NUMBL: variants seen among roughly 807,000 people sequenced by gnomAD.
NUMBL encodes numb-like protein.
In NUMBL, 20 loss-of-function variants were observed where a neutral mutation model predicts 48.9. The observed-to-expected ratio is 0.41, with a 90% CI of 0.29 to 0.59. The LOEUF (loss-of-function observed/expected upper bound fraction) is 0.59, where lower values mean the gene tolerates loss of function less well. Among genes scored for constraint, NUMBL ranks in the 20% least tolerant of loss-of-function variants. The pLI, the probability that NUMBL is intolerant of heterozygous loss-of-function variation, is 0.31. For synonymous variants in NUMBL, 340 were observed against 348.7 expected (o/e 0.98, Z 0.28); for missense variants, 660 against 846.2 (o/e 0.78, Z 2.73).
chr19:40,673,339 C>A lies in NUMBL; in HGVS notation c.1036+5G>T. ...ACGCCGTTTCCCACTGGGCCCAGGG[C>A]TCACCTGTGCCCTTCACCTGGAAGT... On this transcript the variant is annotated splice_donor_5th_base_variant and intron_variant, in intron 8 of 9. Coordinates refer to ENST00000252891, the MANE Select transcript of NUMBL (RefSeq NM_004756.5). This position sits in a 1 kb window ranked among gnomAD's most constrained non-coding sequence, Gnocchi z 5.9. 1 of 1,606,410 alleles carries A rather than the reference C, an allele frequency of 6.2e-7. No homozygotes were observed. Among genetic ancestry groups the A allele is most frequent in the Non-Finnish European group, 8.5e-7 (1 of 1,174,728 alleles).
At position 40,682,630 on chromosome 19, in the gene NUMBL, G is replaced by A. The variant is rs1340070464; in HGVS notation, c.399+98C>T. 3 of 1,079,542 alleles carry A rather than the reference G, an allele frequency of 2.8e-6. No homozygotes were observed. Among genetic ancestry groups the A allele is most frequent in the Non-Finnish European group, 4.1e-6 (3 of 726,384 alleles). The allele number at this position is 1,079,542 out of a possible 1,614,324, so 66.9% of individuals were successfully genotyped here. A position where few individuals can be genotyped will look rare whatever the true frequency, so the allele number is the denominator to read the frequency against. ...CGGCATCGTCTAGAAGGTCCCTGAG[G>A]GAGGGATGTGCAGAGGAGGCGGGAA... On this transcript the variant is annotated intron_variant, in intron 5 of 9. Coordinates refer to ENST00000252891, the MANE Select transcript of NUMBL (RefSeq NM_004756.5). The surrounding 1 kb of genome is among the most constrained non-coding windows in gnomAD (Gnocchi z 4.0).
At chr19:40,668,348 G>C (rs566038379) in intron 9 of NUMBL, among the ~76,000 whole-genome samples, 1 of 152,288 alleles carries the variant, frequency 6.6e-6, no homozygotes, top group South Asian at 2.1e-4. Flanking sequence ...GGAGTGCTAA[G>C]AACATACAAT....
chr19:40,668,046 C>T lies in NUMBL; in HGVS notation c.1252G>A (p.Glu418Lys). ...GCCTTGGCCACCTGTGACACCTCCT[C>T]CAGCCATCGCTCAGCCTCTGAAGGT... is the stretch of plus-strand genomic sequence containing the variant. ...RTPSEAERWLEEVSQVAKAQQ... is the reference protein window; with the variant it reads ...RTPSEAERWLKEVSQVAKAQQ... The change falls in exon 10 of 10, where the codon GAG becomes AAG. Residue 418 changes from glutamate to lysine, a missense_variant. Glu to Lys is a moderately conservative substitution (Grantham distance 56). This residue lies in a region of NUMBL where 296 missense variants were observed against 339.7 expected (regional missense o/e 0.87). Transcript: ENST00000252891. 6.3e-7 allele frequency: 1 copy of T among 1,584,724 alleles called. No individual in the cohort carries two copies. Among genetic ancestry groups the T allele is most frequent in the Non-Finnish European group, 8.6e-7 (1 of 1,166,030 alleles).
chr19:40,686,566 A>G (rs1006439086), intron 2 of NUMBL, among the ~76,000 whole-genome samples: 2 of 150,488 alleles, frequency 1.3e-5, no homozygotes, highest in Admixed American at 6.6e-5. Context: ...GTGTGTGTAT[A>G]TATGTGTGTA....
intron 2 of NUMBL, 36 bp from the exon 3 acceptor site, chr19:40,684,592 G>A (rs1171761924): frequency 1.3e-6 from 2 of 1,571,858 alleles, no homozygotes; most frequent in Admixed American, 3.5e-5. Context: ...GTCAAGGGTG[G>A]GGGTCAGAAG....
chr19:40,690,245 A>G (rs562965518), intron 1 of NUMBL: 4 of 367,886 alleles, frequency 1.1e-5, no homozygotes, highest in South Asian at 2.9e-4. Context: ...CCCTATTTCC[A>G]GGGCCTTGGC....
intron 1 of NUMBL, among the ~76,000 whole-genome samples, chr19:40,689,354 C>G (rs1457761282): frequency 1.3e-5 from 2 of 152,136 alleles, no homozygotes; most frequent in Non-Finnish European, 2.9e-5. Flanking sequence ...AGCTGTCACA[C>G]ACACATACAC....
chr19:40,672,025 C>T (rs911292238), intron 8 of NUMBL, among the ~76,000 whole-genome samples: 2 of 152,158 alleles, frequency 1.3e-5, no homozygotes, highest in African/African-American at 4.8e-5. Flanking sequence ...CATGCGCCAC[C>T]ACACCAGGCT....
chr19:40,670,027 A>T lies in NUMBL; in HGVS notation c.1037-7T>A, dbSNP rs541913862. The T allele has an allele frequency of 3.1e-6, 5 of 1,613,446 alleles. No individual in the cohort carries two copies. In the East Asian group the frequency reaches 1.1e-4, roughly 36 times the overall value. ...GGAGGCTCCATCTCAGGCACTGGGAAGCAGGGCAGGACAGAGGTCAGCAAA... is the reference window on the plus strand; with the variant it reads ...GGAGGCTCCATCTCAGGCACTGGGATGCAGGGCAGGACAGAGGTCAGCAAA... On this transcript the variant is annotated splice_polypyrimidine_tract_variant and splice_region_variant and intron_variant, in intron 8 of 9. Coordinates refer to ENST00000252891, the MANE Select transcript of NUMBL (RefSeq NM_004756.5).
Position 40,666,006 on chromosome 19 carries a change from G to A in NUMBL, c.*1462C>T, listed in dbSNP as rs1237636154. The A allele has an allele frequency of 5.9e-5, 9 of 152,266 alleles. 1 individual carries two copies. In the South Asian group the frequency reaches 8.3e-4, roughly 14 times the overall value. The allele number at this position is 152,266 out of a possible 1,614,324, so 9.4% of individuals were successfully genotyped here. A position where few individuals can be genotyped will look rare whatever the true frequency, so the allele number is the denominator to read the frequency against. On this transcript the variant is annotated 3_prime_UTR_variant, in exon 10 of 10. Transcript: ENST00000252891. ...AGAAACAATAGCAAGACTGTAAAAC[G>A]TTGCCACATCAGGTGACACTTTGGC...
chr19:40,673,262 A>G lies in NUMBL; in HGVS notation c.1036+82T>C. On this transcript the variant is annotated intron_variant, in intron 8 of 9. Coordinates refer to ENST00000252891, the MANE Select transcript of NUMBL (RefSeq NM_004756.5). The surrounding 1 kb of genome is among the most constrained non-coding windows in gnomAD (Gnocchi z 5.9). ...GACAGTGCAAATCAATCACAGTGTG[A>G]ACCATCTCGCCTCCATCCCTTGCCC... The G allele has an allele frequency of 7.3e-7, 1 of 1,366,658 alleles. No individual in the cohort carries two copies. Among genetic ancestry groups the G allele is most frequent in the South Asian group, 1.4e-5 (1 of 70,424 alleles). 84.7% of individuals were successfully genotyped at this position (1,366,658 alleles called of 1,614,324 possible).
chr19:40,670,206 T>C (rs2081839889), intron 8 of NUMBL, among the ~76,000 whole-genome samples, 186 bp from the exon 9 acceptor site: 1 of 152,220 alleles, frequency 6.6e-6, no homozygotes, highest in East Asian at 1.9e-4. Context: ...GCAGAACGAC[T>C]GAGTTAGTGT....
At chr19:40,672,125 C>T (rs2081851458) in intron 8 of NUMBL, among the ~76,000 whole-genome samples, 1 of 152,222 alleles carries the variant, frequency 6.6e-6, no homozygotes, top group Non-Finnish European at 1.5e-5. Context: ...AGTGATCTGC[C>T]TGCCTTGGCC....
intron 1 of NUMBL, chr19:40,690,162 T>C: frequency 3.3e-6 from 1 of 302,686 alleles, no homozygotes; most frequent in Non-Finnish European, 6.1e-6. Flanking sequence ...TCCATCCCCA[T>C]CTAGTTCTAG....
chr19:40,677,890 T>C (rs987017822), intron 6 of NUMBL, among the ~76,000 whole-genome samples: 3 of 152,194 alleles, frequency 2.0e-5, no homozygotes, highest in Admixed American at 2.0e-4. Context: ...GGGTGGGGAA[T>C]GACTGGAAAG....
chr19:40,677,436 T>A lies in NUMBL; in HGVS notation c.541-15A>T. The A allele has an allele frequency of 6.2e-7, 1 of 1,602,728 alleles. No homozygotes were observed. Reference sequence around the variant, plus strand: ...AGCCTCTCGCCCTATGGGGAGAGGATGGGCGGGGGGGTTAGAGGCGCTGGG... The same window carrying A: ...AGCCTCTCGCCCTATGGGGAGAGGAAGGGCGGGGGGGTTAGAGGCGCTGGG... On this transcript the variant is annotated splice_polypyrimidine_tract_variant and intron_variant, in intron 6 of 9. Transcript: ENST00000252891.
At chr19:40,681,620 G>T (rs1212711571) in intron 5 of NUMBL, among the ~76,000 whole-genome samples, 1 of 152,038 alleles carries the variant, frequency 6.6e-6, no homozygotes, top group Admixed American at 6.6e-5. Context: ...ACACTTAATG[G>T]CTAACATTCA....
rs1245095084 is a variant in NUMBL at position 40,667,632 on chromosome 19, G to A, written c.1666C>T (p.Arg556Cys). The stretch of plus-strand genomic sequence containing the variant: ...GGGGGCCAGGGGGCCCCATTGGGGC[G>A]AGGGCGGGCCTGGCTCCCAGGGGCA... ...PSAPGSQARP[R>C]PNGAPWPPEP... is the part of the protein sequence containing the mutation. Residue 556 changes from arginine to cysteine, a missense_variant, in exon 10 of 10, where the codon CGC becomes TGC. By Grantham distance (180) the Arg-to-Cys change is radical (BLOSUM62 -3). Around this residue, in one of 3 missense-constraint regions of NUMBL, gnomAD observed 296 missense variants for 339.7 expected, o/e 0.87. Coordinates refer to ENST00000252891, the MANE Select transcript of NUMBL (RefSeq NM_004756.5). This position sits in a 1 kb window ranked among gnomAD's most constrained non-coding sequence, Gnocchi z 6.1. 7.7e-6 allele frequency: 12 copies of A among 1,556,364 alleles called. No homozygotes were observed. The East Asian group carries it at 9.6e-5, about 12-fold the overall frequency.
At position 40,684,492 on chromosome 19, in the gene NUMBL, G is replaced by C. The variant is rs754194847; in HGVS notation, c.174C>G (p.Pro58=). The change falls in exon 3 of 10, where the codon CCC becomes CCG. Residue 58 remains proline (P), a synonymous_variant. Coordinates refer to ENST00000252891, the MANE Select transcript of NUMBL (RefSeq NM_004756.5). ...SLRRRKPAYV[P]EASRPHQWQA... Reference sequence around the variant, plus strand: ...GCCACTGGTGCGGGCGCGACGCCTCGGGCACGTAGGCTGGCTTCCTCCGCC... The same window carrying C: ...GCCACTGGTGCGGGCGCGACGCCTCCGGCACGTAGGCTGGCTTCCTCCGCC... 6.3e-7 allele frequency: 1 copy of C among 1,599,332 alleles called. No homozygotes were observed. The highest frequency in any genetic ancestry group is 1.7e-5 in the Admixed American group (1 of 57,882).
Sources: allele counts gnomAD v4.1 joint callset (sites outside exome capture counted in the v4.1 genomes callset), GRCh38; gene constraint gnomAD v4.1.1; regional missense constraint gnomAD v4.1.1; non-coding constraint Gnocchi (gnomAD v3.1); transcripts MANE v1.5; gene names NCBI Gene and HGNC (gene_info 2026-07-23, HGNC 2026-07-21).